Variants in CHST3 observed in about 807,000 individuals in gnomAD.
CHST3 encodes C6ST-1.
CHST3 carries 20 observed loss-of-function variants against 35.4 expected under a neutral mutation model. The ratio of observed to expected loss-of-function variants is 0.57; its 90% CI spans 0.40 to 0.82. The LOEUF (loss-of-function observed/expected upper bound fraction) is 0.82, where lower values mean the gene tolerates loss of function less well. CHST3 is among the 40% of genes least tolerant of loss of function. CHST3 has a pLI of 0.00. For synonymous variants in CHST3, 334 were observed against 295.9 expected (o/e 1.13, Z -1.32); for missense variants, 693 against 670.1 (o/e 1.03, Z -0.38).
intron 1 of CHST3, among the ~76,000 whole-genome samples, chr10:71,966,999 A>G (rs570147087): frequency 4.7e-4 from 71 of 152,216 alleles, no homozygotes; most frequent in Non-Finnish European, 9.1e-4. Flanking sequence ...ATAGTACCCA[A>G]TAGGTAGTTG....
chr10:71,978,833 C>T (rs1839772215), intron 1 of CHST3, among the ~76,000 whole-genome samples: 1 of 152,210 alleles, frequency 6.6e-6, no homozygotes, highest in Non-Finnish European at 1.5e-5. Flanking sequence ...CGAGGGGCCC[C>T]TGCTCAGCAC....
chr10:71,985,408 G>A (rs76691147), intron 1 of CHST3, among the ~76,000 whole-genome samples: 3,867 of 152,260 alleles, frequency 0.025, 69 homozygotes, highest in Non-Finnish European at 0.036. Flanking sequence ...CTGCCATGAG[G>A]AGTAGCATCC....
chr10:71,988,891 G>A (rs1564527675), intron 1 of CHST3, among the ~76,000 whole-genome samples: 1 of 152,120 alleles, frequency 6.6e-6, no homozygotes, highest in Non-Finnish European at 1.5e-5. Context: ...GGCCGGGTGT[G>A]GTGGCTCACA....
chr10:71,965,899 G>A (rs1169981251), intron 1 of CHST3, among the ~76,000 whole-genome samples: 1 of 152,106 alleles, frequency 6.6e-6, no homozygotes, highest in Non-Finnish European at 1.5e-5. Context: ...GCTGGCCTTG[G>A]GAGACTGGAG....
intron 1 of CHST3, among the ~76,000 whole-genome samples, 191 bp downstream of exon 1, chr10:71,964,885 G>A (rs1014704705): frequency 6.6e-6 from 1 of 152,208 alleles, no homozygotes; most frequent in Non-Finnish European, 1.5e-5. Context: ...CGCTGCAACC[G>A]GATCACACCT....
At chr10:72,001,638 T>C (rs1466750893) in intron 1 of CHST3, among the ~76,000 whole-genome samples, 2 of 152,108 alleles carry the variant, frequency 1.3e-5, no homozygotes, top group African/African-American at 4.8e-5. Context: ...CACACCTGGC[T>C]ACTTCTTGTA....
At chr10:71,980,039 G>A (rs554855438) in intron 1 of CHST3, among the ~76,000 whole-genome samples, 2 of 152,312 alleles carry the variant, frequency 1.3e-5, no homozygotes, top group East Asian at 1.9e-4. Flanking sequence ...TGTATCGGAT[G>A]GGGAAAGAGG....
At chr10:72,001,173 G>A (rs146000714) in intron 1 of CHST3, among the ~76,000 whole-genome samples, 206 of 152,324 alleles carry the variant, frequency 1.4e-3, no homozygotes, top group African/African-American at 4.5e-3. Flanking sequence ...GGCCTGGCAC[G>A]TGGTGTGCAC....
intron 1 of CHST3, among the ~76,000 whole-genome samples, chr10:72,002,357 C>T (rs1398210616): frequency 1.3e-5 from 2 of 152,152 alleles, no homozygotes; most frequent in Admixed American, 1.3e-4. Context: ...ATTTAGGCAC[C>T]CCAACTTCTA....
In CHST3 at chr10:71,983,271, A is replaced by G. The variant is rs541093673; in HGVS notation, c.-108+18577A>G. Among the ~76,000 whole-genome samples the G allele has an allele frequency of 1.9e-3, 284 of 152,256 alleles. 1 individual carries two copies. Among genetic ancestry groups the G allele is most frequent in the African/African-American group, 6.7e-3 (278 of 41,550 alleles). On this transcript the variant is annotated intron_variant, in intron 1 of 2. Coordinates refer to ENST00000373115, the MANE Select transcript of CHST3 (RefSeq NM_004273.5). ...GAGATCTGACATAATGCAGCAACCC[A>G]GCTCCCATTGAGAACCTCAGGATTG...
intron 1 of CHST3, among the ~76,000 whole-genome samples, chr10:71,984,829 G>A (rs1322289567): frequency 6.6e-6 from 1 of 152,182 alleles, no homozygotes; most frequent in Non-Finnish European, 1.5e-5. Flanking sequence ...TCTAGGGCAG[G>A]GGCTGTGTCT....
chr10:72,008,372 C>T lies in CHST3; in HGVS notation c.1341C>T (p.Ala447=), dbSNP rs988768654. ...TGGTGCAGGCCGCCTGCGGCCCTGC[C>T]ATGCGCCTCTTCGGCTACAAACTGG... The part of the protein sequence containing the change: ...AQVVQAACGP[A]MRLFGYKLAR... The change falls in exon 3 of 3, where the codon GCC becomes GCT. Residue 447 remains alanine, a synonymous_variant. Transcript: ENST00000373115. 13 of 1,567,524 alleles carry T rather than the reference C, an allele frequency of 8.3e-6. No individual in the cohort carries two copies. Among genetic ancestry groups the T allele is most frequent in the African/African-American group, 1.4e-5 (1 of 73,930 alleles).
intron 1 of CHST3, among the ~76,000 whole-genome samples, chr10:71,990,900 G>A (rs752020460): frequency 6.6e-6 from 1 of 152,222 alleles, no homozygotes; most frequent in African/African-American, 2.4e-5. Flanking sequence ...GGACGGGACG[G>A]GCTATGCTGT....
chr10:71,985,323 A>C (rs1370603524), intron 1 of CHST3, among the ~76,000 whole-genome samples: 1 of 152,032 alleles, frequency 6.6e-6, no homozygotes, highest in Non-Finnish European at 1.5e-5. Flanking sequence ...CAGAACCCAC[A>C]CCATGTTGTC....
intron 1 of CHST3, among the ~76,000 whole-genome samples, chr10:71,984,610 G>A (rs948836408): frequency 6.6e-6 from 1 of 152,204 alleles, no homozygotes; most frequent in Non-Finnish European, 1.5e-5. Flanking sequence ...TGAATTTGTG[G>A]ACTGTGGAGC....
In CHST3 at chr10:72,008,330, C is replaced by A; in HGVS notation, c.1299C>A (p.Pro433=). ...TCGAGAAGTGGCGCTTCAGCATGCCCTTCAAGCTGGCCCAGGTGGTGCAGG... is the reference window on the plus strand; with the variant it reads ...TCGAGAAGTGGCGCTTCAGCATGCCATTCAAGCTGGCCCAGGTGGTGCAGG... ...EQFEKWRFSM[P]FKLAQVVQAA... The change falls in exon 3 of 3, where the codon CCC becomes CCA. Residue 433 remains proline (P), a synonymous_variant. Coordinates refer to ENST00000373115, the MANE Select transcript of CHST3 (RefSeq NM_004273.5). 1 of 1,575,650 alleles carries A rather than the reference C, an allele frequency of 6.3e-7. No homozygotes were observed. Among genetic ancestry groups the A allele is most frequent in the Non-Finnish European group, 8.6e-7 (1 of 1,161,196 alleles).
intron 1 of CHST3, among the ~76,000 whole-genome samples, chr10:71,986,475 C>T (rs1482465117): frequency 6.6e-6 from 1 of 152,246 alleles, no homozygotes; most frequent in Admixed American, 6.5e-5. Flanking sequence ...ATAGATGTCA[C>T]AGAGCAATCG....
rs1316281967 is a variant in CHST3 at position 72,008,451 on chromosome 10, G to A, written c.1420G>A (p.Gly474Ser). Reference sequence around the variant, plus strand: ...CTCAGTCAGCCTGCTGGAGGAGAGGGGCACCTTCTGGGTCACGTAGGGGGG... The same window carrying A: ...CTCAGTCAGCCTGCTGGAGGAGAGGAGCACCTTCTGGGTCACGTAGGGGGG... ...NRSVSLLEER[G>S]TFWVT The change falls in exon 3 of 3, where the codon GGC becomes AGC. Residue 474 changes from glycine (G) to serine (S), a missense_variant. Gly to Ser is a moderately conservative substitution (Grantham distance 56, BLOSUM62 0). Coordinates refer to ENST00000373115, the MANE Select transcript of CHST3 (RefSeq NM_004273.5). 6.4e-6 allele frequency: 10 copies of A among 1,560,684 alleles called. No homozygotes were observed. The highest frequency in any genetic ancestry group is 1.9e-5 in the Admixed American group (1 of 52,404).
intron 1 of CHST3, among the ~76,000 whole-genome samples, chr10:71,973,400 A>G (rs1839714662): frequency 1.3e-5 from 2 of 152,296 alleles, no homozygotes; most frequent in South Asian, 4.1e-4. Flanking sequence ...GTGGAGAGCC[A>G]TTCAACAGCC....
Sources: allele counts gnomAD v4.1 joint callset (sites outside exome capture counted in the v4.1 genomes callset), GRCh38; gene constraint gnomAD v4.1.1; transcripts MANE v1.5; gene names NCBI Gene and HGNC (gene_info 2026-07-23, HGNC 2026-07-21).